The following SLC25A48 variants were observed in gnomAD, a reference collection of about 807,000 sequenced individuals.
SLC25A48 encodes CTC-321K16.1.
Under a neutral mutation model 32.2 loss-of-function variants are expected in SLC25A48, and 29 were observed. The ratio of observed to expected loss-of-function variants is 0.90; its 90% CI spans 0.67 to 1.23. The LOEUF (loss-of-function observed/expected upper bound fraction) is 1.23, where lower values mean the gene tolerates loss of function less well. Ranked by LOEUF, SLC25A48 falls within the 50% of genes most tolerant of loss-of-function variation. SLC25A48 has a pLI of 0.00. For missense variants in SLC25A48, 399 were observed against 422.7 expected (o/e 0.94, Z 0.49); for synonymous variants, 164 against 172.3 (o/e 0.95, Z 0.38).
At chr5:135,748,723 T>TTG (rs1491561051) in intron 3 of SLC25A48, among the ~76,000 whole-genome samples, 2 of 36,220 alleles carry the variant, frequency 5.5e-5, no homozygotes, top group Non-Finnish European at 7.3e-5. Context: ...GACAGGTAAA[T>TTG]TTTTTTTTTT....
At chr5:135,596,100 G>A (rs373779165) in intron 1 of SLC25A48, among the ~76,000 whole-genome samples, 2 of 152,144 alleles carry the variant, frequency 1.3e-5, no homozygotes, top group East Asian at 3.9e-4. Flanking sequence ...CACAATTCGT[G>A]AATTATTATT....
At chr5:135,585,621 TGAATGCAGGATGAAC>T (rs1421233570) in intron 1 of SLC25A48, among the ~76,000 whole-genome samples, 6 of 152,172 alleles carry the variant, frequency 3.9e-5, no homozygotes, top group African/African-American at 9.7e-5. Flanking sequence ...AAGAAATGAT[TGAATGCAGGATGAAC>T]GAATGCAGGA....
At chr5:135,744,645 T>A (rs538020287) in intron 3 of SLC25A48, among the ~76,000 whole-genome samples, 1 of 151,914 alleles carries the variant, frequency 6.6e-6, no homozygotes, top group South Asian at 2.1e-4. Context: ...CCTGTCTCCA[T>A]TTTTGATGAG....
chr5:135,640,557 A>T (rs1752810701), intron 3 of SLC25A48, among the ~76,000 whole-genome samples: 1 of 152,172 alleles, frequency 6.6e-6, no homozygotes, highest in Non-Finnish European at 1.5e-5. Context: ...AAAGACCAAT[A>T]TCCCTCTGAA....
At chr5:135,702,235 T>G (rs1363369381) in intron 3 of SLC25A48, among the ~76,000 whole-genome samples, 1 of 152,232 alleles carries the variant, frequency 6.6e-6, no homozygotes, top group Non-Finnish European at 1.5e-5. Context: ...AAATGTCACC[T>G]TATTTGCAAA....
chr5:135,738,333 A>C (rs573991039), intron 3 of SLC25A48, among the ~76,000 whole-genome samples: 1 of 152,080 alleles, frequency 6.6e-6, no homozygotes, highest in Non-Finnish European at 1.5e-5. Flanking sequence ...ACTACCTCAA[A>C]ATCTGTCCAA....
chr5:135,644,513 T>C (rs902554291), intron 3 of SLC25A48, among the ~76,000 whole-genome samples: 8 of 152,160 alleles, frequency 5.3e-5, no homozygotes, highest in Non-Finnish European at 1.0e-4. Flanking sequence ...ATAGCCAGCA[T>C]TTGTTCTAAG....
chr5:135,657,014 G>T (rs1432244331), intron 3 of SLC25A48, among the ~76,000 whole-genome samples: 2 of 152,156 alleles, frequency 1.3e-5, no homozygotes, highest in Admixed American at 6.5e-5. Flanking sequence ...CTCAGGGTGA[G>T]CAGTTTGCCT....
In SLC25A48 at chr5:135,721,192, C is replaced by CTTTTTTTTTT; in HGVS notation, c.-521+86256_-521+86265dup. Among the ~76,000 whole-genome samples, 15 of 53,882 alleles carry CTTTTTTTTTT rather than the reference C, an allele frequency of 2.8e-4. 2 individuals are homozygous for CTTTTTTTTTT. Among genetic ancestry groups the CTTTTTTTTTT allele is most frequent in the Non-Finnish European group, 5.9e-4 (14 of 23,716 alleles). The allele number at this position is 53,882 out of a possible 152,430, so 35.3% of individuals were successfully genotyped here. A position where few individuals can be genotyped will look rare whatever the true frequency, so the allele number is the denominator to read the frequency against. On this transcript the variant is annotated intron_variant, in intron 3 of 10. Transcript: ENST00000646290. ...GAGTAGCTGGGACACCATGCCTGGC[C>CTTTTTTTTTT]TTTTTTTTTTTTTTTTTTTTTTTTT...
rs1434315377 is a variant in SLC25A48, at chr5:135,783,161, G to A, written c.-520-29362G>A. Reference sequence around the variant, plus strand: ...AGAAGATGATATTACCCCCAATATCGCACAGGGCGTACACTTTCCTTGTGA... The same window carrying A: ...AGAAGATGATATTACCCCCAATATCACACAGGGCGTACACTTTCCTTGTGA... On this transcript the variant is annotated intron_variant, in intron 3 of 10. Transcript: ENST00000646290. 1.7e-5 allele frequency among the ~76,000 whole-genome samples: 2 copies of A among 120,056 alleles called. 1 individual carries two copies. Among genetic ancestry groups the A allele is most frequent in the Non-Finnish European group, 4.1e-5 (2 of 48,414 alleles). The allele number at this position is 120,056 out of a possible 152,430, so 78.8% of individuals were successfully genotyped here. A position where few individuals can be genotyped will look rare whatever the true frequency, so the allele number is the denominator to read the frequency against.
chr5:135,662,150 C>T (rs1316545669), intron 3 of SLC25A48, among the ~76,000 whole-genome samples: 1 of 152,112 alleles, frequency 6.6e-6, no homozygotes. Flanking sequence ...AAGATAACAT[C>T]TTGTGCTTGT....
intron 3 of SLC25A48, among the ~76,000 whole-genome samples, chr5:135,650,713 G>T (rs1753091296): frequency 6.6e-6 from 1 of 152,138 alleles, no homozygotes; most frequent in Admixed American, 6.5e-5. Flanking sequence ...ACGGTGGTTT[G>T]CTTAGAGTCA....
chr5:135,822,684 C>A (rs754786110), intron 4 of SLC25A48, among the ~76,000 whole-genome samples: 3 of 152,228 alleles, frequency 2.0e-5, no homozygotes, highest in Non-Finnish European at 2.9e-5. Flanking sequence ...CAAATAAGGT[C>A]ATATCCACAA....
At chr5:135,805,226 C>T (rs1380539047) in intron 3 of SLC25A48, among the ~76,000 whole-genome samples, 1 of 151,138 alleles carries the variant, frequency 6.6e-6, no homozygotes, top group African/African-American at 2.4e-5. Context: ...AGTGTACACC[C>T]TGTGTGTACA....
intron 3 of SLC25A48, among the ~76,000 whole-genome samples, chr5:135,788,269 T>A (rs1391992401): frequency 6.6e-6 from 1 of 150,526 alleles, no homozygotes; most frequent in Non-Finnish European, 1.5e-5. Context: ...TTATTCACTA[T>A]GGGGTGGGGG....
chr5:135,735,939 G>GAAGA (rs1245337240), intron 3 of SLC25A48, among the ~76,000 whole-genome samples: 1 of 152,210 alleles, frequency 6.6e-6, no homozygotes, highest in Non-Finnish European at 1.5e-5. Flanking sequence ...GGCAGCTGGA[G>GAAGA]AAGAGCTAGT....
chr5:135,774,993 T>C lies in SLC25A48; in HGVS notation c.-520-37530T>C, dbSNP rs118160735. Among the ~76,000 whole-genome samples, 18 of 151,928 alleles carry C rather than the reference T, an allele frequency of 1.2e-4. No individual in the cohort carries two copies. In the East Asian group the frequency reaches 3.5e-3, roughly 29 times the overall value. ...TACACCCCGCTTGTGATATTGTTCC[T>C]AATATCCAGGGGGTGACAATGATAT... is the stretch of plus-strand genomic sequence containing the variant. On this transcript the variant is annotated intron_variant, in intron 3 of 10. Transcript: ENST00000646290.
At chr5:135,767,686 T>C (rs950319233) in intron 3 of SLC25A48, among the ~76,000 whole-genome samples, 2 of 151,546 alleles carry the variant, frequency 1.3e-5, no homozygotes, top group African/African-American at 2.4e-5. Context: ...CTCCTATTAT[T>C]GCAGGGGGTG....
intron 2 of SLC25A48, among the ~76,000 whole-genome samples, chr5:135,632,408 G>C (rs1429105555): frequency 1.3e-5 from 2 of 152,194 alleles, no homozygotes; most frequent in Non-Finnish European, 2.9e-5. Context: ...AGAAGGGTTA[G>C]ATGGAATGCC....
Sources: allele counts gnomAD v4.1 joint callset (sites outside exome capture counted in the v4.1 genomes callset), GRCh38; gene constraint gnomAD v4.1.1; transcripts MANE v1.5; gene names NCBI Gene and HGNC (gene_info 2026-07-23, HGNC 2026-07-21).